Variants in CREBBP observed in about 807,000 individuals in gnomAD.
CREBBP encodes CREB-binding protein.
Under a neutral mutation model 265.0 loss-of-function variants are expected in CREBBP, and 19 were observed. The ratio of observed to expected loss-of-function variants is 0.07; its 90% CI spans 0.05 to 0.11. The LOEUF (loss-of-function observed/expected upper bound fraction) is 0.11, where lower values mean the gene tolerates loss of function less well. Among genes scored for constraint, CREBBP ranks in the 10% least tolerant of loss-of-function variants. The probability of loss-of-function intolerance (pLI) is 1.00; values close to 1 mark genes in which losing one functional copy is unlikely to be tolerated. For synonymous variants in CREBBP, 1,457 were observed against 1,223.7 expected (o/e 1.19, Z -3.98); for missense variants, 2,525 against 3,219.0 (o/e 0.78, Z 5.22).
At chr16:3,837,972 T>TATAC (rs2054489539) in intron 2 of CREBBP, among the ~76,000 whole-genome samples, 1 of 152,068 alleles carries the variant, frequency 6.6e-6, no homozygotes, top group South Asian at 2.1e-4. Flanking sequence ...TCATAGTAAA[T>TATAC]GCCTTATACA....
At chr16:3,778,855 TTCTTCTTTTTTTTA>T in intron 8 of CREBBP, 38 bp from the exon 9 acceptor site, 1 of 1,585,852 alleles carries the variant, frequency 6.3e-7, no homozygotes, top group Non-Finnish European at 8.7e-7. Flanking sequence ...ACTTTTTTTT[TTCTTCTTTTTTTTA>T]AAGACATGGG....
intron 30 of CREBBP, among the ~76,000 whole-genome samples, chr16:3,730,242 C>T (rs1335221377): frequency 6.6e-6 from 1 of 152,180 alleles, no homozygotes; most frequent in Admixed American, 6.5e-5. Context: ...TAGACACCAG[C>T]CCCCTTCCTT....
intron 2 of CREBBP, among the ~76,000 whole-genome samples, chr16:3,836,171 C>G (rs2054445732): frequency 6.6e-6 from 1 of 151,784 alleles, no homozygotes; most frequent in Non-Finnish European, 1.5e-5. Context: ...CGCGGTGGCT[C>G]ACACCTGTAA....
chr16:3,855,251 C>T (rs1399988701), intron 1 of CREBBP, among the ~76,000 whole-genome samples: 1 of 152,132 alleles, frequency 6.6e-6, no homozygotes, highest in Non-Finnish European at 1.5e-5. Context: ...CTTTGTCTTT[C>T]GTAAGTGACA....
intron 2 of CREBBP, among the ~76,000 whole-genome samples, chr16:3,841,813 G>T (rs2054571959): frequency 6.6e-6 from 1 of 152,082 alleles, no homozygotes; most frequent in African/African-American, 2.4e-5. Context: ...CACAATTACG[G>T]TCACCGGTGA....
At chr16:3,782,606 C>CT in intron 6 of CREBBP, 78 bp downstream of exon 6, 1 of 1,547,306 alleles carries the variant, frequency 6.5e-7, no homozygotes, top group East Asian at 2.3e-5. Flanking sequence ...AAACTGAAAA[C>CT]TGCCTTGGGT....
At chr16:3,768,365 T>A (rs2052916908) in intron 15 of CREBBP, among the ~76,000 whole-genome samples, 2 of 152,096 alleles carry the variant, frequency 1.3e-5, no homozygotes, top group South Asian at 4.1e-4. Flanking sequence ...GAGGCTGGTC[T>A]CGAACTCCTG....
At position 3,780,716 on chromosome 16, in the gene CREBBP, C is replaced by T. The variant is rs2053254292; in HGVS notation, c.1823+16G>A. 1.9e-6 allele frequency: 3 copies of T among 1,613,316 alleles called. No individual in the cohort carries two copies. Among genetic ancestry groups the T allele is most frequent in the Non-Finnish European group, 2.5e-6 (3 of 1,179,802 alleles). On this transcript the variant is annotated intron_variant, in intron 8 of 30. Coordinates refer to ENST00000262367, the MANE Select transcript of CREBBP (RefSeq NM_004380.3). ...ATAAAATCAAACATCTATGAAACTGCAAAACTGTTACGTACAGTTTATGCA... is the reference window on the plus strand; with the variant it reads ...ATAAAATCAAACATCTATGAAACTGTAAAACTGTTACGTACAGTTTATGCA...
At chr16:3,761,473 GAAAA>G (rs2052715862) in intron 16 of CREBBP, 1 of 504,676 alleles carries the variant, frequency 2.0e-6, no homozygotes. Flanking sequence ...AAGTTGGAAG[GAAAA>G]ACCCATGTGT....
intron 1 of CREBBP, among the ~76,000 whole-genome samples, chr16:3,869,583 A>G (rs1280990640): frequency 1.3e-5 from 2 of 152,208 alleles, no homozygotes; most frequent in African/African-American, 4.8e-5. Flanking sequence ...ACATGTGGCT[A>G]TCTTCATTTA....
rs551159786 is a variant in CREBBP, at chr16:3,792,859, T to C, written c.1216+527A>G. Among the ~76,000 whole-genome samples the C allele has an allele frequency of 1.6e-3, 246 of 151,306 alleles. 3 individuals carry two copies. The highest frequency in any genetic ancestry group is 5.8e-3 in the African/African-American group (235 of 40,688). ...GAAGTGCCTAGTTCACCACCCCCCCTGGGATGATACAGTGCATAGTTCCCC... is the reference window on the plus strand; with the variant it reads ...GAAGTGCCTAGTTCACCACCCCCCCCGGGATGATACAGTGCATAGTTCCCC... On this transcript the variant is annotated intron_variant, in intron 4 of 30. Coordinates refer to ENST00000262367, the MANE Select transcript of CREBBP (RefSeq NM_004380.3).
intron 3 of CREBBP, among the ~76,000 whole-genome samples, chr16:3,793,946 C>T (rs2053555370): frequency 6.6e-6 from 1 of 152,182 alleles, no homozygotes; most frequent in African/African-American, 2.4e-5. Flanking sequence ...GTGTACTATA[C>T]CAGCTGGACC....
chr16:3,736,339 G>A (rs2052059746), intron 27 of CREBBP, 136 bp from the exon 28 acceptor site: 1 of 940,606 alleles, frequency 1.1e-6, no homozygotes, highest in South Asian at 1.4e-5. Flanking sequence ...CCCCACCACA[G>A]TGCAGCAGAC....
At chr16:3,782,959 G>A (rs2141253321) in intron 5 of CREBBP, 33 bp from the exon 6 acceptor site, 6 of 1,613,914 alleles carry the variant, frequency 3.7e-6, no homozygotes, top group Admixed American at 1.7e-5. Context: ...AGACAAAAAC[G>A]AGAGGTAAGT....
intron 2 of CREBBP, among the ~76,000 whole-genome samples, chr16:3,840,145 G>C: frequency 6.6e-6 from 1 of 152,146 alleles, no homozygotes; most frequent in East Asian, 1.9e-4. Context: ...GCCAAATTAA[G>C]ATATGCTTAA....
chr16:3,772,328 A>AC (rs2053032131), intron 13 of CREBBP, among the ~76,000 whole-genome samples: 4 of 145,258 alleles, frequency 2.8e-5, no homozygotes, highest in Non-Finnish European at 4.5e-5. Context: ...CTGAAACACA[A>AC]ACACACACAC....
At chr16:3,740,222 TA>T (rs1442306511) in intron 24 of CREBBP, among the ~76,000 whole-genome samples, 176 bp downstream of exon 24, 3 of 152,230 alleles carry the variant, frequency 2.0e-5, no homozygotes, top group Admixed American at 1.3e-4. Context: ...TACTGCACTG[TA>T]TAGGGTAACT....
At chr16:3,812,914 C>A (rs1205007015) in intron 2 of CREBBP, 1 of 203,876 alleles carries the variant, frequency 4.9e-6, no homozygotes, top group Non-Finnish European at 1.0e-5. Context: ...GAAATCATAG[C>A]TCAGTTCTCT....
intron 2 of CREBBP, among the ~76,000 whole-genome samples, chr16:3,839,496 CA>C (rs1259584942): frequency 6.6e-6 from 1 of 151,924 alleles, no homozygotes; most frequent in African/African-American, 2.4e-5. Flanking sequence ...GCCTGGCCAA[CA>C]TGGTGAAACC....
Sources: allele counts gnomAD v4.1 joint callset (sites outside exome capture counted in the v4.1 genomes callset), GRCh38; gene constraint gnomAD v4.1.1; transcripts MANE v1.5; gene names NCBI Gene and HGNC (gene_info 2026-07-23, HGNC 2026-07-21).